The following FUBP1 variants were observed in gnomAD, a reference collection of about 807,000 sequenced individuals.
FUBP1 encodes the protein far upstream element binding protein 1.
A neutral mutation model predicts 94.9 loss-of-function variants in FUBP1; 16 were observed. That is an observed-to-expected ratio of 0.17 (90% CI 0.11 to 0.26). The LOEUF (loss-of-function observed/expected upper bound fraction) is 0.26, where lower values mean the gene tolerates loss of function less well. Among genes scored for constraint, FUBP1 ranks in the 10% least tolerant of loss-of-function variants. FUBP1 has a pLI of 1.00. For synonymous variants in FUBP1, 279 were observed against 254.9 expected (o/e 1.09, Z -0.90); for missense variants, 583 against 808.6 (o/e 0.72, Z 3.38).
At chr1:77,972,508 G>T (rs1657751857) in intron 1 of FUBP1, among the ~76,000 whole-genome samples, 1 of 151,502 alleles carries the variant, frequency 6.6e-6, no homozygotes, top group Admixed American at 6.6e-5. Context: ...ACTTTGGGAG[G>T]CCGAGGCAGG....
At position 77,948,379 on chromosome 1, in the gene FUBP1, C is replaced by T; in HGVS notation, c.*387G>A. 1 of 1,063,092 alleles carries T rather than the reference C, an allele frequency of 9.4e-7. No homozygotes were observed. The highest frequency in any genetic ancestry group is 1.6e-5 in the African/African-American group (1 of 61,316). 65.9% of individuals were successfully genotyped at this position (1,063,092 alleles called of 1,614,324 possible). On this transcript the variant is annotated 3_prime_UTR_variant, in exon 20 of 20. Transcript: ENST00000370768. ...TAAGAAATTATGAATCCTTTAAATA[C>T]CCACATATCCAACTTACCGACACAG... is the stretch of plus-strand genomic sequence containing the variant.
At position 77,944,152 on chromosome 1, in the gene FUBP1, C is replaced by G. The variant is rs1049903779; in HGVS notation, c.*4614G>C. 1 of 194,282 alleles carries G rather than the reference C, an allele frequency of 5.1e-6. No individual in the cohort carries two copies. Among genetic ancestry groups the G allele is most frequent in the Non-Finnish European group, 1.1e-5 (1 of 93,074 alleles). 12.0% of individuals were successfully genotyped at this position (194,282 alleles called of 1,614,324 possible). ...ACATACAATGTCATTAAAGCAAACT[C>G]TAAACCACAGTTGTAAAGTATTCAA... is the stretch of plus-strand genomic sequence containing the variant. On this transcript the variant is annotated 3_prime_UTR_variant, in exon 20 of 20. Transcript: ENST00000370768.
Position 77,947,517 on chromosome 1 carries a change from C to A in FUBP1, c.*1249G>T. 1 of 1,349,774 alleles carries A rather than the reference C, an allele frequency of 7.4e-7. No homozygotes were observed. Among genetic ancestry groups the A allele is most frequent in the Non-Finnish European group, 9.8e-7 (1 of 1,024,070 alleles). The allele number at this position is 1,349,774 out of a possible 1,614,324, so 83.6% of individuals were successfully genotyped here. A position where few individuals can be genotyped will look rare whatever the true frequency, so the allele number is the denominator to read the frequency against. On this transcript the variant is annotated 3_prime_UTR_variant, in exon 20 of 20. Coordinates refer to ENST00000370768, the MANE Select transcript of FUBP1 (RefSeq NM_003902.5). ...CACAGCACAGTCCTCCTCACCCCTA[C>A]AGAGCTAGTTCTATACTGGCTGGAT...
Position 77,944,327 on chromosome 1 carries a change from T to A in FUBP1, c.*4439A>T, listed in dbSNP as rs1363139848. The A allele has an allele frequency of 1.0e-5, 2 of 194,674 alleles. No individual in the cohort carries two copies. The highest frequency in any genetic ancestry group is 2.1e-5 in the Non-Finnish European group (2 of 93,394). 12.1% of individuals were successfully genotyped at this position (194,674 alleles called of 1,614,324 possible). A position where few individuals can be genotyped will look rare whatever the true frequency, so the allele number is the denominator to read the frequency against. ...CATCGAGCATGCATAAGAAAATATA[T>A]ATATATATATGCGCAAATACATTTA... On this transcript the variant is annotated 3_prime_UTR_variant, in exon 20 of 20. Coordinates refer to ENST00000370768, the MANE Select transcript of FUBP1 (RefSeq NM_003902.5).
chr1:77,953,167 T>C (rs989145081), intron 18 of FUBP1, among the ~76,000 whole-genome samples: 49 of 151,040 alleles, frequency 3.2e-4, no homozygotes, highest in African/African-American at 1.2e-3. Flanking sequence ...TGTGAAGGAC[T>C]TGCCCAACTA....
intron 1 of FUBP1, among the ~76,000 whole-genome samples, chr1:77,971,988 G>T (rs182341821): frequency 2.1e-5 from 3 of 144,996 alleles, no homozygotes; most frequent in African/African-American, 7.8e-5. Flanking sequence ...CTGGGCAACG[G>T]CATGAGACTC....
At chr1:77,959,693 G>A (rs889930691) in intron 16 of FUBP1, among the ~76,000 whole-genome samples, 4 of 152,088 alleles carry the variant, frequency 2.6e-5, no homozygotes, top group South Asian at 2.1e-4. Context: ...CACCCTGCCC[G>A]GCTAATTTAA....
At chr1:77,966,596 CCA>C (rs1656545136) in intron 7 of FUBP1, 96 bp downstream of exon 7, 2 of 714,220 alleles carry the variant, frequency 2.8e-6, no homozygotes, top group Non-Finnish European at 2.5e-6. Flanking sequence ...GGCAGCGAAA[CCA>C]CAGTGTAAAA....
rs756305417 is a variant in FUBP1 at position 77,969,925 on chromosome 1, C to T, written c.211G>A (p.Asp71Asn). Residue 71 changes from aspartate (D) to asparagine (N), a missense_variant and splice_region_variant, in exon 2 of 20, where the codon GAT (aspartate) becomes AAT (asparagine). Physicochemically the swap from Asp to Asn is conservative, Grantham distance 23. Transcript: ENST00000370768. Reference protein sequence around the residue: ...GGQKRPLEDGDQPDAKKVAPQ... With the variant: ...GGQKRPLEDGNQPDAKKVAPQ... ...TTAAAATACTTAGAGTATAACTTACCTCCATCTTCTAAAGGTCTTTTTTGT... is the reference window on the plus strand; with the variant it reads ...TTAAAATACTTAGAGTATAACTTACTTCCATCTTCTAAAGGTCTTTTTTGT... 2.9e-6 allele frequency: 4 copies of T among 1,401,132 alleles called. No homozygotes were observed. The highest frequency in any genetic ancestry group is 3.0e-6 in the Non-Finnish European group (3 of 994,706). 86.8% of individuals were successfully genotyped at this position (1,401,132 alleles called of 1,614,324 possible). A position where few individuals can be genotyped will look rare whatever the true frequency, so the allele number is the denominator to read the frequency against.
intron 1 of FUBP1, among the ~76,000 whole-genome samples, chr1:77,976,499 AT>A (rs1187785055): frequency 0.05 from 7,321 of 146,832 alleles, 376 homozygotes; most frequent in African/African-American, 0.14. Flanking sequence ...ATAAAATCCA[AT>A]TTTTTTTTTT....
In FUBP1 at chr1:77,965,226, G is replaced by C; in HGVS notation, c.479C>G (p.Ala160Gly). Residue 160 changes from alanine to glycine, a missense_variant, in exon 8 of 20, where the codon GCA becomes GGA. Coordinates refer to ENST00000370768, the MANE Select transcript of FUBP1 (RefSeq NM_003902.5). ...AACAATCTGGTCCAGTAACCGTTTT[G>C]CTGACCTGTTAACAAATTAATATTT... ...LTGTPESVQS[A>G]KRLLDQIVEK... 1 of 1,598,968 alleles carries C rather than the reference G, an allele frequency of 6.3e-7. No individual in the cohort carries two copies. Among genetic ancestry groups the C allele is most frequent in the Non-Finnish European group, 8.6e-7 (1 of 1,167,866 alleles).
rs1652228326 is a variant in FUBP1, at chr1:77,946,727, A to G, written c.*2039T>C. On this transcript the variant is annotated 3_prime_UTR_variant, in exon 20 of 20. Transcript: ENST00000370768. ...CAATTAATAAATGCACCACTTTCCT[A>G]AAAGGTCATCTATAAAACAGTATCA... The G allele has an allele frequency of 4.8e-6, 1 of 206,756 alleles. No individual in the cohort carries two copies. Among genetic ancestry groups the G allele is most frequent in the East Asian group, 7.3e-5 (1 of 13,612 alleles). 12.8% of individuals were successfully genotyped at this position (206,756 alleles called of 1,614,324 possible). A position where few individuals can be genotyped will look rare whatever the true frequency, so the allele number is the denominator to read the frequency against.
intron 18 of FUBP1, among the ~76,000 whole-genome samples, chr1:77,952,033 G>A (rs1038645314): frequency 1.3e-5 from 2 of 151,932 alleles, no homozygotes; most frequent in Non-Finnish European, 2.9e-5. Context: ...GTTCTCTTAA[G>A]GGTCTTAAAA....
At chr1:77,962,298 C>T (rs1412323919) in intron 14 of FUBP1, among the ~76,000 whole-genome samples, 1 of 152,104 alleles carries the variant, frequency 6.6e-6, no homozygotes, top group Non-Finnish European at 1.5e-5. Context: ...GAGTGGGAAG[C>T]ACCCAAATAG....
chr1:77,949,349 C>A (rs1459971164), intron 18 of FUBP1, 49 bp from the exon 19 acceptor site: 1 of 1,462,790 alleles, frequency 6.8e-7, no homozygotes, highest in Admixed American at 1.8e-5. Context: ...ATAAGCCCAA[C>A]ATCTCATTTC....
At chr1:77,960,145 A>T (rs1416938453) in intron 16 of FUBP1, 39 bp downstream of exon 16, 1 of 1,401,448 alleles carries the variant, frequency 7.1e-7, no homozygotes, top group East Asian at 2.3e-5. Flanking sequence ...AGGAGTGGAA[A>T]ATAATACAGA....
intron 10 of FUBP1, 79 bp downstream of exon 10, chr1:77,964,567 C>G (rs1656122784): frequency 8.4e-6 from 7 of 833,832 alleles, no homozygotes; most frequent in Non-Finnish European, 1.4e-5. Flanking sequence ...AATGTTAGAG[C>G]TACTTAACAC....
Position 77,947,853 on chromosome 1 carries a change from T to G in FUBP1, c.*913A>C, listed in dbSNP as rs1392269120. ...ATGGCAGATGCAATGTAGCTATACT[T>G]TTTGCACACTATTCACTTTTCTATC... On this transcript the variant is annotated 3_prime_UTR_variant, in exon 20 of 20. Coordinates refer to ENST00000370768, the MANE Select transcript of FUBP1 (RefSeq NM_003902.5). 8.9e-7 allele frequency: 1 copy of G among 1,118,968 alleles called. No homozygotes were observed. Among genetic ancestry groups the G allele is most frequent in the Non-Finnish European group, 1.1e-6 (1 of 899,256 alleles). The allele number at this position is 1,118,968 out of a possible 1,614,324, so 69.3% of individuals were successfully genotyped here. A position where few individuals can be genotyped will look rare whatever the true frequency, so the allele number is the denominator to read the frequency against.
intron 17 of FUBP1, among the ~76,000 whole-genome samples, chr1:77,956,151 T>G (rs1446203176): frequency 1.3e-5 from 2 of 152,152 alleles, no homozygotes; most frequent in Admixed American, 6.5e-5. Context: ...ACTTACTGAT[T>G]TGGAGGGCTG....
Sources: allele counts gnomAD v4.1 joint callset (sites outside exome capture counted in the v4.1 genomes callset), GRCh38; gene constraint gnomAD v4.1.1; transcripts MANE v1.5; gene names NCBI Gene and HGNC (gene_info 2026-07-23, HGNC 2026-07-21).